The following KCNIP4 variants were observed in gnomAD, a reference collection of about 807,000 sequenced individuals.
The protein encoded by KCNIP4 is Kv channel-interacting protein 4.
Under a neutral mutation model 34.0 loss-of-function variants are expected in KCNIP4, and 12 were observed. That is an observed-to-expected ratio of 0.35 (90% CI 0.23 to 0.57). KCNIP4 has a LOEUF of 0.57. KCNIP4 is among the 20% of genes least tolerant of loss of function. The pLI is 0.83. For synonymous variants in KCNIP4, 124 were observed against 102.2 expected (o/e 1.21, Z -1.29); for missense variants, 238 against 311.7 (o/e 0.76, Z 1.78).
Position 21,392,826 on chromosome 4 carries a change from C to T in KCNIP4, c.62-510117G>A, listed in dbSNP as rs1002746422. 1.3e-4 allele frequency among the ~76,000 whole-genome samples: 20 copies of T among 151,994 alleles called. No homozygotes were observed. In the East Asian group the frequency reaches 3.1e-3, roughly 24 times the overall value. On this transcript the variant is annotated intron_variant, in intron 1 of 8. Transcript: ENST00000382152. Reference sequence around the variant, plus strand: ...AAATGACGGTCACTAATTAAGAGACCGAAACAAACAAAAGACTAACAAAAC... The same window carrying T: ...AAATGACGGTCACTAATTAAGAGACTGAAACAAACAAAAGACTAACAAAAC...
intron 1 of KCNIP4, among the ~76,000 whole-genome samples, chr4:21,748,058 T>C (rs1716893264): frequency 6.6e-6 from 1 of 152,168 alleles, no homozygotes; most frequent in Admixed American, 6.6e-5. Flanking sequence ...GACTCTTGAC[T>C]TTGGATGTCT....
At chr4:20,802,310 T>C (rs1443166105) in intron 3 of KCNIP4, among the ~76,000 whole-genome samples, 2 of 141,768 alleles carry the variant, frequency 1.4e-5, no homozygotes, top group Non-Finnish European at 3.1e-5. Context: ...GCAATATATA[T>C]ATATGCACAC....
intron 1 of KCNIP4, among the ~76,000 whole-genome samples, chr4:21,862,007 C>T (rs973479638): frequency 1.3e-5 from 2 of 152,214 alleles, no homozygotes; most frequent in African/African-American, 2.4e-5. Flanking sequence ...TCCTTCACTA[C>T]AGCCAGGGAT....
At chr4:21,273,816 C>G (rs1578002450) in intron 1 of KCNIP4, among the ~76,000 whole-genome samples, 1 of 152,158 alleles carries the variant, frequency 6.6e-6, no homozygotes, top group Non-Finnish European at 1.5e-5. Flanking sequence ...ACCTCATATA[C>G]ACTTCTATTA....
intron 2 of KCNIP4, among the ~76,000 whole-genome samples, chr4:20,852,604 T>C (rs1416025828): frequency 2.6e-5 from 4 of 152,114 alleles, no homozygotes; most frequent in African/African-American, 7.2e-5. Context: ...CTCTTCAACA[T>C]AGTATTAGAA....
At chr4:21,789,743 A>G (rs1056886087) in intron 1 of KCNIP4, among the ~76,000 whole-genome samples, 1 of 152,202 alleles carries the variant, frequency 6.6e-6, no homozygotes, top group Non-Finnish European at 1.5e-5. Flanking sequence ...TTGTGCCAAT[A>G]AAAGACAAGA....
chr4:20,778,735 T>C (rs1477501263), intron 3 of KCNIP4, among the ~76,000 whole-genome samples: 1 of 152,144 alleles, frequency 6.6e-6, no homozygotes, highest in African/African-American at 2.4e-5. Context: ...AATGACATGG[T>C]AGAGGCAGAA....
chr4:21,217,035 G>A (rs1380782171), intron 1 of KCNIP4, among the ~76,000 whole-genome samples: 1 of 152,142 alleles, frequency 6.6e-6, no homozygotes, highest in Non-Finnish European at 1.5e-5. Context: ...TATGCATCTG[G>A]TAGTGAATGA....
At chr4:21,944,433 C>T (rs998214546) in intron 1 of KCNIP4, among the ~76,000 whole-genome samples, 1 of 150,814 alleles carries the variant, frequency 6.6e-6, no homozygotes, top group African/African-American at 2.4e-5. Flanking sequence ...CGGGTGCACC[C>T]GTGATCCTGG....
chr4:21,344,518 T>TA (rs1478802987), intron 1 of KCNIP4, among the ~76,000 whole-genome samples: 1 of 152,044 alleles, frequency 6.6e-6, no homozygotes, highest in African/African-American at 2.4e-5. Context: ...TTGTTGAATC[T>TA]AAAAGGAGCA....
chr4:21,131,089 C>T (rs1023170253), intron 1 of KCNIP4, among the ~76,000 whole-genome samples: 1 of 151,894 alleles, frequency 6.6e-6, no homozygotes, highest in African/African-American at 2.4e-5. Context: ...ATATATGCTC[C>T]CCGAAGGTAT....
intron 1 of KCNIP4, among the ~76,000 whole-genome samples, chr4:21,196,079 A>C (rs1756038768): frequency 6.6e-6 from 1 of 152,172 alleles, no homozygotes; most frequent in South Asian, 2.1e-4. Flanking sequence ...CTTCTTAAAG[A>C]ATTTTAGAGT....
intron 1 of KCNIP4, chr4:21,855,623 T>A (rs752957651): frequency 6.6e-6 from 1 of 152,208 alleles, no homozygotes; most frequent in Non-Finnish European, 1.5e-5. Flanking sequence ...GAAACTTCCA[T>A]TCTTCTATAA....
chr4:21,598,712 A>G (rs1742850635), intron 1 of KCNIP4, among the ~76,000 whole-genome samples: 1 of 152,000 alleles, frequency 6.6e-6, no homozygotes, highest in Non-Finnish European at 1.5e-5. Flanking sequence ...TAAGCTAAAA[A>G]TGTTTAACTA....
intron 1 of KCNIP4, among the ~76,000 whole-genome samples, chr4:21,259,879 C>T (rs1387843650): frequency 1.1e-5 from 1 of 90,542 alleles, no homozygotes; most frequent in Admixed American, 1.2e-4. Flanking sequence ...GGCAAAGCGC[C>T]CAAGACTGTG....
At chr4:21,619,010 C>T (rs1187533643) in intron 1 of KCNIP4, among the ~76,000 whole-genome samples, 6 of 151,992 alleles carry the variant, frequency 3.9e-5, no homozygotes, top group Non-Finnish European at 1.5e-5. Flanking sequence ...ACTTGATGAT[C>T]CCAGGACCTC....
At chr4:21,749,808 A>G (rs764563811) in intron 1 of KCNIP4, among the ~76,000 whole-genome samples, 3 of 152,080 alleles carry the variant, frequency 2.0e-5, no homozygotes, top group Non-Finnish European at 4.4e-5. Flanking sequence ...ATCCTTGCCT[A>G]AACACCCTCA....
chr4:20,822,144 G>A (rs554237098), intron 3 of KCNIP4, among the ~76,000 whole-genome samples: 1 of 152,106 alleles, frequency 6.6e-6, no homozygotes, highest in African/African-American at 2.4e-5. Flanking sequence ...CAGAGTGGGA[G>A]AAAATATTTG....
chr4:20,889,370 T>C (rs1419876674), intron 1 of KCNIP4, among the ~76,000 whole-genome samples: 23 of 152,160 alleles, frequency 1.5e-4, no homozygotes, highest in Admixed American at 1.5e-3. Flanking sequence ...AGCAGTCTAA[T>C]GTGCCACATA....
Sources: gnomAD v4.1 joint callset for allele counts (sites outside exome capture counted in the v4.1 genomes callset) on GRCh38, gnomAD v4.1.1 for gene constraint, MANE v1.5 for transcripts, NCBI Gene and HGNC (gene_info 2026-07-23, HGNC 2026-07-21) for gene names.